DENND4C: variants seen among roughly 807,000 people sequenced by gnomAD.
DENND4C encodes the protein DENN domain-containing protein 4C.
In DENND4C, 108 loss-of-function variants were observed where a neutral mutation model predicts 203.0. The observed-to-expected ratio is 0.53, with a 90% CI of 0.46 to 0.62. The LOEUF is 0.62. Among genes scored for constraint, DENND4C ranks in the 20% least tolerant of loss-of-function variants. DENND4C has a pLI of 0.00. For missense variants in DENND4C, 2,481 were observed against 2,301.2 expected (o/e 1.08, Z -1.60); for synonymous variants, 871 against 792.4 (o/e 1.10, Z -1.67).
intron 21 of DENND4C, among the ~76,000 whole-genome samples, chr9:19,342,318 G>A (rs191254878): frequency 9.7e-4 from 148 of 152,214 alleles, no homozygotes; most frequent in Non-Finnish European, 1.6e-3. Flanking sequence ...ATACTCCAGA[G>A]TTATGGAGAA....
At chr9:19,340,720 C>T (rs1245857102) in intron 20 of DENND4C, among the ~76,000 whole-genome samples, 1 of 152,190 alleles carries the variant, frequency 6.6e-6, no homozygotes. Context: ...CCAAAAGAGA[C>T]TTCCAAACAT....
At chr9:19,254,620 C>G (rs1202822763) in intron 1 of DENND4C, among the ~76,000 whole-genome samples, 1 of 152,108 alleles carries the variant, frequency 6.6e-6, no homozygotes, top group Non-Finnish European at 1.5e-5. Flanking sequence ...ATGTAATGTA[C>G]AGCATGGTTA....
chr9:19,291,629 C>T (rs774606516), intron 5 of DENND4C, among the ~76,000 whole-genome samples: 13 of 151,086 alleles, frequency 8.6e-5, no homozygotes, highest in Non-Finnish European at 1.6e-4. Context: ...TGCTTGAACC[C>T]GGGAGACAGA....
chr9:19,242,800 C>T (rs559180117), intron 1 of DENND4C, among the ~76,000 whole-genome samples: 1 of 152,012 alleles, frequency 6.6e-6, no homozygotes, highest in Admixed American at 6.6e-5. Context: ...GGACTATAGG[C>T]GCATGCCACC....
chr9:19,248,991 A>C (rs1031280693), intron 1 of DENND4C, among the ~76,000 whole-genome samples: 1 of 151,896 alleles, frequency 6.6e-6, no homozygotes, highest in African/African-American at 2.4e-5. Flanking sequence ...GGGTTTCACC[A>C]TGTTGGTCAT....
rs751016952 is a variant in DENND4C, at chr9:19,357,916, G to A, written c.4965-49G>A. Reference sequence around the variant, plus strand: ...AAAATACTCTAGCTCTACAGATTTAGACTGTTTTTCAACATGAACATAGCA... The same window carrying A: ...AAAATACTCTAGCTCTACAGATTTAAACTGTTTTTCAACATGAACATAGCA... On this transcript the variant is annotated intron_variant, in intron 27 of 32. Coordinates refer to ENST00000434457, the MANE Select transcript of DENND4C (RefSeq NM_001330640.2). The A allele has an allele frequency of 2.8e-6, 4 of 1,427,656 alleles. No homozygotes were observed. The East Asian group carries it at 9.9e-5, about 35-fold the overall frequency. The allele number at this position is 1,427,656 out of a possible 1,614,324, so 88.4% of individuals were successfully genotyped here.
intron 2 of DENND4C, among the ~76,000 whole-genome samples, chr9:19,282,174 G>A (rs574893435): frequency 6.6e-6 from 1 of 151,650 alleles, no homozygotes; most frequent in African/African-American, 2.4e-5. Context: ...CCATACAGCT[G>A]TACAAAAATA....
intron 3 of DENND4C, among the ~76,000 whole-genome samples, chr9:19,287,332 A>G (rs904880864): frequency 5.3e-5 from 8 of 152,162 alleles, no homozygotes; most frequent in African/African-American, 1.9e-4. Context: ...TAGAGTGGGT[A>G]GAAGCTCTCC....
At chr9:19,367,177 A>T (rs988743256) in intron 30 of DENND4C, among the ~76,000 whole-genome samples, 1 of 151,662 alleles carries the variant, frequency 6.6e-6, no homozygotes, top group Non-Finnish European at 1.5e-5. Context: ...TGGCTATAAT[A>T]AAAAAAAATA....
At chr9:19,368,876 C>T (rs1489107583) in intron 30 of DENND4C, among the ~76,000 whole-genome samples, 1 of 152,064 alleles carries the variant, frequency 6.6e-6, no homozygotes, top group Non-Finnish European at 1.5e-5. Context: ...TAAGGCTAGA[C>T]ATGGTTGGCT....
intron 18 of DENND4C, 126 bp from the exon 19 acceptor site, chr9:19,336,144 T>A (rs1239494250): frequency 3.7e-6 from 3 of 810,908 alleles, no homozygotes; most frequent in South Asian, 3.3e-5. Context: ...AATATACCTC[T>A]TGGCCAGTAT....
chr9:19,271,604 G>A (rs529140776), intron 1 of DENND4C, among the ~76,000 whole-genome samples: 18 of 152,216 alleles, frequency 1.2e-4, no homozygotes, highest in Admixed American at 6.5e-5. Flanking sequence ...GGTGGCTCAC[G>A]CCTGTAATCC....
At chr9:19,286,501 C>G (rs1276510379) in intron 2 of DENND4C, among the ~76,000 whole-genome samples, 1 of 152,050 alleles carries the variant, frequency 6.6e-6, no homozygotes, top group Non-Finnish European at 1.5e-5. Flanking sequence ...ATAAGCAATA[C>G]AAAATCAAGT....
intron 2 of DENND4C, among the ~76,000 whole-genome samples, chr9:19,283,830 G>A (rs543816118): frequency 6.6e-6 from 1 of 151,858 alleles, no homozygotes; most frequent in South Asian, 2.1e-4. Context: ...CCCAACCTCA[G>A]GTGATCCGCC....
chr9:19,300,336 G>A lies in DENND4C; in HGVS notation c.1311+5G>A, dbSNP rs1373969723. 6.5e-7 allele frequency: 1 copy of A among 1,529,310 alleles called. No homozygotes were observed. The allele number at this position is 1,529,310 out of a possible 1,614,324, so 94.7% of individuals were successfully genotyped here. On this transcript the variant is annotated splice_donor_5th_base_variant and intron_variant, in intron 9 of 32. Coordinates refer to ENST00000434457, the MANE Select transcript of DENND4C (RefSeq NM_001330640.2). Reference sequence around the variant, plus strand: ...GTAGCTGAAGCTGTTGTAGCTGTAAGTATAGAATTTTCCTTTTAGTACAAA... The same window carrying A: ...GTAGCTGAAGCTGTTGTAGCTGTAAATATAGAATTTTCCTTTTAGTACAAA...
intron 12 of DENND4C, among the ~76,000 whole-genome samples, chr9:19,324,109 C>T (rs73435138): frequency 0.034 from 5,196 of 152,072 alleles, 297 homozygotes; most frequent in African/African-American, 0.12. Context: ...ACTTGGGTCT[C>T]ATCCCCAAGA....
intron 8 of DENND4C, among the ~76,000 whole-genome samples, 195 bp from the exon 9 acceptor site, chr9:19,299,992 G>A (rs1238288381): frequency 6.6e-6 from 1 of 152,140 alleles, no homozygotes; most frequent in Non-Finnish European, 1.5e-5. Flanking sequence ...CTTGATAAAT[G>A]CCTTTTATTA....
intron 30 of DENND4C, 51 bp from the exon 31 acceptor site, chr9:19,369,782 ATAAT>A: frequency 3.8e-6 from 4 of 1,063,998 alleles, no homozygotes; most frequent in South Asian, 4.0e-5. Context: ...AAAAAAAATA[ATAAT>A]AATAATAATA....
Position 19,278,695 on chromosome 9 carries a change from G to GT in DENND4C, c.305+2219dup, listed in dbSNP as rs534703243. ...CTTACTTGACCTTTATGCAGCATTC[G>GT]TTTAACTCCTTTAGTATTGTCCATC... On this transcript the variant is annotated intron_variant, in intron 2 of 32. Transcript: ENST00000434457. 4.1e-4 allele frequency among the ~76,000 whole-genome samples: 62 copies of GT among 152,238 alleles called. 1 individual carries two copies. In the South Asian group the frequency reaches 0.011, roughly 28 times the overall value.
Sources: allele counts gnomAD v4.1 joint callset (sites outside exome capture counted in the v4.1 genomes callset), GRCh38; gene constraint gnomAD v4.1.1; transcripts MANE v1.5; gene names NCBI Gene and HGNC (gene_info 2026-07-23, HGNC 2026-07-21).